POP1: variants seen among roughly 807,000 people sequenced by gnomAD.
POP1 encodes the protein POP1 ribonuclease P/MRP subunit.
Under a neutral mutation model 102.2 loss-of-function variants are expected in POP1, and 75 were observed. The ratio of observed to expected loss-of-function variants is 0.73; its 90% confidence interval spans 0.61 to 0.89. POP1 has a LOEUF of 0.89. Ranked by LOEUF, POP1 falls within the 40% of genes least tolerant of loss-of-function variation. The pLI, the probability that POP1 is intolerant of heterozygous loss-of-function variation, is 0.00. For missense variants in POP1, 1,116 were observed against 1,267.4 expected, an observed-to-expected ratio of 0.88 and a Z score of 1.81; for synonymous variants, 436 against 464.1, an observed-to-expected ratio of 0.94 and a Z score of 0.78.
At chr8:98,126,912 A>G (rs564092011) in intron 2 of POP1, among the ~76,000 whole-genome samples, 12 of 152,162 alleles carry the variant, frequency 7.9e-5, no homozygotes, top group Non-Finnish European at 1.5e-4. Context: ...AATTTGATAC[A>G]CTTCTGGTCC....
At chr8:98,140,626 A>G (rs947999390) in intron 10 of POP1, 143 bp from the exon 11 acceptor site, 3 of 806,258 alleles carry the variant, frequency 3.7e-6, no homozygotes, top group African/African-American at 3.5e-5. Flanking sequence ...AAAAGTATCA[A>G]TGGGAAGAGA....
intron 11 of POP1, among the ~76,000 whole-genome samples, chr8:98,143,513 A>G (rs2130615804): frequency 6.6e-6 from 1 of 152,160 alleles, no homozygotes; most frequent in South Asian, 2.1e-4. Flanking sequence ...ACATTAACAC[A>G]TCATTATCAC....
chr8:98,119,036 A>G (rs542146457), intron 1 of POP1, among the ~76,000 whole-genome samples: 3 of 152,316 alleles, frequency 2.0e-5, no homozygotes, highest in East Asian at 3.9e-4. Context: ...GTCATGTAGA[A>G]TAGTGCCTGC....
chr8:98,129,267 T>C (rs1220464567), intron 4 of POP1, among the ~76,000 whole-genome samples: 1 of 152,240 alleles, frequency 6.6e-6, no homozygotes, highest in African/African-American at 2.4e-5. Flanking sequence ...AAACTTGAAC[T>C]GGGTTTTAAT....
intron 11 of POP1, 92 bp downstream of exon 11, chr8:98,140,980 T>G: frequency 6.9e-7 from 1 of 1,459,214 alleles, no homozygotes; most frequent in East Asian, 2.3e-5. Context: ...ACCTCTCCAG[T>G]AACTTCATCT....
At chr8:98,139,410 G>A (rs1816642913) in intron 9 of POP1, among the ~76,000 whole-genome samples, 1 of 152,158 alleles carries the variant, frequency 6.6e-6, no homozygotes, top group Admixed American at 6.5e-5. Context: ...GCTTACATTG[G>A]AGATGATGAA....
Position 98,136,672 on chromosome 8 carries a change from G to A in POP1, c.1202G>A (p.Gly401Asp), listed in dbSNP as rs766132740. The A allele has an allele frequency of 5.0e-6, 8 of 1,612,580 alleles. No homozygotes were observed. In the East Asian group the frequency reaches 1.6e-4, roughly 31 times the overall value. The change falls in exon 8 of 16, where the codon GGT becomes GAT. Residue 401 changes from glycine (G) to aspartate (D), a missense_variant. Gly to Asp is a moderately conservative substitution (Grantham distance 94, BLOSUM62 -1). Transcript: ENST00000401707. ...ENAKPIKKII[G>D]DGTRDPCLPY... ...GCTAAACCAATTAAAAAAATTATCG[G>A]TGATGGAACTAGAGATCCATGTCTA...
At chr8:98,138,255 C>T (rs1268815322) in intron 9 of POP1, among the ~76,000 whole-genome samples, 4 of 152,154 alleles carry the variant, frequency 2.6e-5, no homozygotes, top group Non-Finnish European at 5.9e-5. Context: ...AGATAAAATC[C>T]AAAGTGCTCA....
rs1002189277 is a variant in POP1 at position 98,150,547 on chromosome 8, G to A, written c.1965G>A (p.Arg655=). The A allele has an allele frequency of 6.2e-7, 1 of 1,613,966 alleles. No homozygotes were observed. Among genetic ancestry groups the A allele is most frequent in the African/African-American group, 1.3e-5 (1 of 74,942 alleles). The change falls in exon 14 of 16, where the codon AGG becomes AGA. Residue 655 remains arginine, a synonymous_variant. Coordinates refer to ENST00000401707, the MANE Select transcript of POP1 (RefSeq NM_001145860.2). The part of the protein sequence containing the change: ...KESAVHSQYK[R]SPNVPGDFPD... ...CTGCAGTGCATTCTCAGTATAAGAGGTCGCCTAATGTCCCAGGCGATTTTC... is the reference window on the plus strand; with the variant it reads ...CTGCAGTGCATTCTCAGTATAAGAGATCGCCTAATGTCCCAGGCGATTTTC...
intron 2 of POP1, 25 bp downstream of exon 2, chr8:98,123,504 C>T: frequency 6.2e-7 from 1 of 1,607,954 alleles, no homozygotes; most frequent in Non-Finnish European, 8.5e-7. Context: ...AGAGACCAGG[C>T]ATGGTGGCTC....
In POP1 at chr8:98,157,641, G is replaced by C. The variant is rs1809685656; in HGVS notation, c.2445G>C (p.Leu815=). The C allele has an allele frequency of 6.2e-7, 1 of 1,614,088 alleles. No homozygotes were observed. Among genetic ancestry groups the C allele is most frequent in the African/African-American group, 1.3e-5 (1 of 74,926 alleles). The change falls in exon 16 of 16, where the codon CTG becomes CTC. Residue 815 remains leucine, a synonymous_variant. Coordinates refer to ENST00000401707, the MANE Select transcript of POP1 (RefSeq NM_001145860.2). The part of the protein sequence containing the change: ...VLRSRKLLKQ[L]SAWCGPSSED... Reference sequence around the variant, plus strand: ...GGAGTAGAAAATTACTGAAGCAACTGTCAGCCTGGTGTGGGCCCAGTTCTG... The same window carrying C: ...GGAGTAGAAAATTACTGAAGCAACTCTCAGCCTGGTGTGGGCCCAGTTCTG...
chr8:98,155,336 A>G (rs1162986078), intron 14 of POP1, among the ~76,000 whole-genome samples: 1 of 152,206 alleles, frequency 6.6e-6, no homozygotes, highest in Non-Finnish European at 1.5e-5. Context: ...GATAGAGTGC[A>G]GTGGCATGAT....
chr8:98,154,997 T>G (rs1343141081), intron 14 of POP1, among the ~76,000 whole-genome samples: 3 of 152,196 alleles, frequency 2.0e-5, no homozygotes, highest in Admixed American at 6.5e-5. Flanking sequence ...GTACATAAGA[T>G]GTCTCTGGAA....
chr8:98,130,156 T>C lies in POP1; in HGVS notation c.665T>C (p.Leu222Pro). ...ATGGTCAAGAAGTGGGGCTACTGCC[T>C]TGGGGAGAGGCCAACAGTCAAGAGC... ...FHMVKKWGYC[L>P]GERPTVKSHR... The change falls in exon 5 of 16, where the codon CTT becomes CCT. Residue 222 changes from leucine to proline, a missense_variant. Physicochemically the swap from Leu to Pro is moderately conservative, Grantham distance 98. Transcript: ENST00000401707. 6.2e-7 allele frequency: 1 copy of C among 1,614,140 alleles called. No homozygotes were observed. Among genetic ancestry groups the C allele is most frequent in the Non-Finnish European group, 8.5e-7 (1 of 1,180,016 alleles).
At position 98,130,170 on chromosome 8, in the gene POP1, A is replaced by G; in HGVS notation, c.679A>G (p.Thr227Ala). 6.2e-7 allele frequency: 1 copy of G among 1,614,198 alleles called. No homozygotes were observed. Among genetic ancestry groups the G allele is most frequent in the Non-Finnish European group, 8.5e-7 (1 of 1,180,034 alleles). ...GGGCTACTGCCTTGGGGAGAGGCCAACAGTCAAGAGCCACAGAGCCTGCTA... is the reference window on the plus strand; with the variant it reads ...GGGCTACTGCCTTGGGGAGAGGCCAGCAGTCAAGAGCCACAGAGCCTGCTA... Reference protein sequence around the residue: ...KWGYCLGERPTVKSHRACYRA... With the variant: ...KWGYCLGERPAVKSHRACYRA... The change falls in exon 5 of 16, where the codon ACA becomes GCA. Residue 227 changes from threonine to alanine, a missense_variant. Transcript: ENST00000401707.
intron 1 of POP1, among the ~76,000 whole-genome samples, chr8:98,123,003 T>C (rs1486566821): frequency 1.3e-5 from 2 of 152,250 alleles, no homozygotes; most frequent in Admixed American, 6.5e-5. Flanking sequence ...TTGTTTTTAA[T>C]AGAGTTTCTC....
chr8:98,120,725 G>C (rs6985147), intron 1 of POP1, among the ~76,000 whole-genome samples: 64,343 of 150,074 alleles, frequency 0.43, 14,005 homozygotes, highest in Middle Eastern at 0.52. Context: ...CGGCTCACTG[G>C]AAGCTCCGCC....
At chr8:98,155,053 A>G (rs1809612090) in intron 14 of POP1, among the ~76,000 whole-genome samples, 1 of 152,160 alleles carries the variant, frequency 6.6e-6, no homozygotes, top group Non-Finnish European at 1.5e-5. Context: ...TTTGTGGAGG[A>G]TAGCTGGGTC....
intron 1 of POP1, among the ~76,000 whole-genome samples, chr8:98,122,932 T>C (rs1346827617): frequency 6.6e-6 from 1 of 152,244 alleles, no homozygotes; most frequent in East Asian, 1.9e-4. Flanking sequence ...ATTGCTATTA[T>C]AAATTAAATA....
Sources: gnomAD v4.1 joint callset for allele counts (sites outside exome capture counted in the v4.1 genomes callset) on GRCh38, gnomAD v4.1.1 for gene constraint, MANE v1.5 for transcripts, NCBI Gene and HGNC (gene_info 2026-07-23, HGNC 2026-07-21) for gene names.